HMGN3: variants seen among roughly 807,000 people sequenced by gnomAD.
The protein encoded by HMGN3 is high mobility group nucleosomal binding domain 3.
HMGN3 carries 6 observed loss-of-function variants against 18.8 expected under a neutral mutation model. The observed-to-expected ratio is 0.32, with a 90% CI of 0.18 to 0.63. The LOEUF (loss-of-function observed/expected upper bound fraction) is 0.63, where lower values mean the gene tolerates loss of function less well. HMGN3 is among the 30% of genes least tolerant of loss of function. The pLI is 0.79. For synonymous variants in HMGN3, 40 were observed against 36.5 expected, an observed-to-expected ratio of 1.10 and a Z score of -0.35; for missense variants, 107 against 114.2, an observed-to-expected ratio of 0.94 and a Z score of 0.29.
intron 3 of HMGN3, among the ~76,000 whole-genome samples, chr6:79,206,634 T>C (rs1369788581): frequency 6.6e-6 from 1 of 152,220 alleles, no homozygotes; most frequent in Non-Finnish European, 1.5e-5. Context: ...GCTAGGGCAG[T>C]GCAGAAGGGC....
At chr6:79,202,082 C>T (rs1561979947) in intron 5 of HMGN3, 2 of 1,538,204 alleles carry the variant, frequency 1.3e-6, no homozygotes, top group African/African-American at 1.4e-5. Flanking sequence ...TTCAATCTGC[C>T]CCTTTACTGA....
intron 3 of HMGN3, among the ~76,000 whole-genome samples, chr6:79,206,249 A>G (rs1218411420): frequency 6.6e-6 from 1 of 152,178 alleles, no homozygotes; most frequent in African/African-American, 2.4e-5. Flanking sequence ...GCACAAGACA[A>G]TGGGAAAAAT....
intron 2 of HMGN3, 105 bp from the exon 3 acceptor site, chr6:79,208,681 T>C: frequency 2.3e-6 from 2 of 884,708 alleles, no homozygotes; most frequent in South Asian, 2.7e-5. Flanking sequence ...TGAATGACTA[T>C]AATGTATGAT....
intron 5 of HMGN3, 66 bp from the exon 7 acceptor site, chr6:79,201,792 C>A: frequency 1.3e-6 from 2 of 1,577,162 alleles, no homozygotes; most frequent in South Asian, 1.2e-5. Context: ...AAAGGAAATT[C>A]CACCCACCAA....
intron 1 of HMGN3, among the ~76,000 whole-genome samples, chr6:79,231,731 A>G (rs1399087200): frequency 2.0e-5 from 3 of 152,198 alleles, no homozygotes; most frequent in Non-Finnish European, 4.4e-5. Context: ...ACTTCTTTGT[A>G]TATTTGAGTC....
chr6:79,229,689 AAC>A (rs1319589807), intron 1 of HMGN3, among the ~76,000 whole-genome samples: 1 of 152,152 alleles, frequency 6.6e-6, no homozygotes, highest in Non-Finnish European at 1.5e-5. Flanking sequence ...CATCCTGGCT[AAC>A]ACGGTGAAAC....
chr6:79,210,602 C>A (rs1387751292), intron 2 of HMGN3, among the ~76,000 whole-genome samples: 1 of 152,032 alleles, frequency 6.6e-6, no homozygotes, highest in Non-Finnish European at 1.5e-5. Flanking sequence ...GGGGTAAGCA[C>A]CAGAAACATA....
intron 1 of HMGN3, among the ~76,000 whole-genome samples, chr6:79,226,001 C>T (rs1414188602): frequency 6.6e-6 from 1 of 152,138 alleles, no homozygotes; most frequent in Non-Finnish European, 1.5e-5. Flanking sequence ...CTTGATTCCT[C>T]CATGTTTCAT....
At chr6:79,204,482 A>G (rs1217719301) in intron 3 of HMGN3, among the ~76,000 whole-genome samples, 1 of 152,206 alleles carries the variant, frequency 6.6e-6, no homozygotes, top group East Asian at 1.9e-4. Context: ...CATGCGGATA[A>G]CTGGGGAAAG....
chr6:79,210,261 G>A (rs1393439331), intron 2 of HMGN3, among the ~76,000 whole-genome samples: 2 of 152,092 alleles, frequency 1.3e-5, no homozygotes, highest in Non-Finnish European at 2.9e-5. Context: ...TCTGAGCATA[G>A]AGGAGCAAAG....
intron 3 of HMGN3, among the ~76,000 whole-genome samples, chr6:79,207,618 G>A (rs553519043): frequency 3.9e-5 from 6 of 152,236 alleles, no homozygotes; most frequent in South Asian, 2.1e-4. Context: ...ACTTCCTTAC[G>A]AGACTCACGT....
intron 1 of HMGN3, 68 bp downstream of exon 1, chr6:79,234,478 T>C (rs1778045867): frequency 2.0e-6 from 3 of 1,512,170 alleles, no homozygotes; most frequent in Admixed American, 1.7e-5. Flanking sequence ...GCGCGAGCCA[T>C]TGCAATGCCA....
chr6:79,220,820 A>C (rs888589031), intron 1 of HMGN3, among the ~76,000 whole-genome samples: 6 of 152,222 alleles, frequency 3.9e-5, no homozygotes, highest in Admixed American at 2.6e-4. Context: ...AAGGTATAAA[A>C]GCAAGAACTG....
intron 1 of HMGN3, among the ~76,000 whole-genome samples, chr6:79,222,989 T>C (rs2127833321): frequency 6.6e-6 from 1 of 152,344 alleles, no homozygotes; most frequent in Middle Eastern, 3.4e-3. Flanking sequence ...ATATAAAAGA[T>C]AACTAAAAAT....
At chr6:79,221,007 A>G (rs1435282490) in intron 1 of HMGN3, among the ~76,000 whole-genome samples, 2 of 152,156 alleles carry the variant, frequency 1.3e-5, no homozygotes, top group African/African-American at 2.4e-5. Context: ...TGGTGGGTAA[A>G]TAGGTATATT....
chr6:79,204,964 C>G (rs1776343418), intron 3 of HMGN3, among the ~76,000 whole-genome samples: 1 of 152,004 alleles, frequency 6.6e-6, no homozygotes, highest in Non-Finnish European at 1.5e-5. Flanking sequence ...AAACAATTTC[C>G]TTTTATATTA....
intron 1 of HMGN3, among the ~76,000 whole-genome samples, chr6:79,216,937 C>T (rs796837638): frequency 1.2e-4 from 18 of 152,258 alleles, no homozygotes; most frequent in African/African-American, 4.3e-4. Flanking sequence ...GCAGTTAAAG[C>T]AGCAGTACAT....
chr6:79,214,496 C>T (rs1385751162), intron 2 of HMGN3, among the ~76,000 whole-genome samples: 7 of 152,096 alleles, frequency 4.6e-5, no homozygotes, highest in African/African-American at 1.2e-4. Context: ...CCACTGCGCC[C>T]GGCCTATAGT....
intron 2 of HMGN3, among the ~76,000 whole-genome samples, chr6:79,214,012 CATA>C (rs1266971649): frequency 6.6e-6 from 1 of 152,112 alleles, no homozygotes; most frequent in African/African-American, 2.4e-5. Flanking sequence ...TTTAGAGGTT[CATA>C]ATAATAACTG....
Sources: gnomAD v4.1 joint callset for allele counts (sites outside exome capture counted in the v4.1 genomes callset) on GRCh38, gnomAD v4.1.1 for gene constraint, MANE v1.5 for transcripts, NCBI Gene and HGNC (gene_info 2026-07-23, HGNC 2026-07-21) for gene names.